DLGAP1: variants seen among roughly 807,000 people sequenced by gnomAD.
DLGAP1 encodes DLG associated protein 1, also known as disks large-associated protein 1.
In DLGAP1, 11 loss-of-function variants were observed where a neutral mutation model predicts 90.8. That is an observed-to-expected ratio of 0.12 (90% confidence interval 0.08 to 0.20). DLGAP1 has a LOEUF of 0.20. DLGAP1 is among the 10% of genes least tolerant of loss of function. DLGAP1 has a pLI of 1.00. For synonymous variants in DLGAP1, 558 were observed against 540.7 expected, an observed-to-expected ratio of 1.03 and a Z score of -0.44; for missense variants, 1,050 against 1,333.8, an observed-to-expected ratio of 0.79 and a Z score of 3.31.
intron 2 of DLGAP1, among the ~76,000 whole-genome samples, chr18:4,121,039 G>A (rs1173482156): frequency 6.6e-6 from 1 of 152,156 alleles, no homozygotes; most frequent in Non-Finnish European, 1.5e-5. Context: ...TCTGGTTATG[G>A]TGGCTGTTAG....
intron 3 of DLGAP1, among the ~76,000 whole-genome samples, chr18:3,942,968 T>TG (rs940896270): frequency 6.9e-6 from 1 of 145,270 alleles, no homozygotes; most frequent in Non-Finnish European, 1.5e-5. Flanking sequence ...GCAACATTTT[T>TG]GTTTTTTTTT....
intron 7 of DLGAP1, among the ~76,000 whole-genome samples, chr18:3,720,649 CA>C (rs1332047172): frequency 1.3e-5 from 2 of 152,050 alleles, no homozygotes; most frequent in African/African-American, 4.8e-5. Flanking sequence ...ATTACATGGA[CA>C]ATTTCCAACC....
chr18:3,855,987 C>T (rs115440752), intron 4 of DLGAP1, among the ~76,000 whole-genome samples: 1,699 of 152,274 alleles, frequency 0.011, 27 homozygotes, highest in African/African-American at 0.039. Context: ...ACAGAAGAAT[C>T]GTCTACAAAG....
At chr18:4,391,397 C>G (rs1391954709) in intron 1 of DLGAP1, among the ~76,000 whole-genome samples, 2 of 152,124 alleles carry the variant, frequency 1.3e-5, no homozygotes, top group African/African-American at 4.8e-5. Context: ...TCTAGCATCT[C>G]AATTTCTTGC....
At chr18:4,076,039 C>T (rs2075518738) in intron 2 of DLGAP1, among the ~76,000 whole-genome samples, 1 of 152,128 alleles carries the variant, frequency 6.6e-6, no homozygotes, top group Non-Finnish European at 1.5e-5. Flanking sequence ...TCTGCCAATG[C>T]CTATTGCATT....
intron 1 of DLGAP1, among the ~76,000 whole-genome samples, chr18:4,413,184 G>GA (rs1223987009): frequency 6.6e-6 from 1 of 152,148 alleles, no homozygotes; most frequent in Non-Finnish European, 1.5e-5. Context: ...AGGATGTGGG[G>GA]AATCTAGTAT....
intron 1 of DLGAP1, among the ~76,000 whole-genome samples, chr18:4,331,118 T>G (rs1186344761): frequency 6.6e-6 from 1 of 151,886 alleles, no homozygotes; most frequent in Non-Finnish European, 1.5e-5. Context: ...ATATTCCTTG[T>G]CTAAGATCTA....
intron 2 of DLGAP1, among the ~76,000 whole-genome samples, chr18:4,111,533 T>C (rs2075972064): frequency 6.6e-6 from 1 of 152,212 alleles, no homozygotes; most frequent in Non-Finnish European, 1.5e-5. Flanking sequence ...GAATAACTTA[T>C]CAGTGAAGTC....
chr18:4,197,183 A>G (rs1311425816), intron 1 of DLGAP1, among the ~76,000 whole-genome samples: 1 of 147,882 alleles, frequency 6.8e-6, no homozygotes, highest in Admixed American at 6.7e-5. Flanking sequence ...AAATTTAAAA[A>G]AAAGTAAAAA....
chr18:3,815,870 G>T (rs2067079676), intron 4 of DLGAP1, among the ~76,000 whole-genome samples: 1 of 152,174 alleles, frequency 6.6e-6, no homozygotes, highest in Admixed American at 6.5e-5. Flanking sequence ...CAAAAAACGG[G>T]GAGGCTGGTT....
chr18:4,042,283 T>C (rs1163057125), intron 2 of DLGAP1, among the ~76,000 whole-genome samples: 1 of 152,228 alleles, frequency 6.6e-6, no homozygotes, highest in Non-Finnish European at 1.5e-5. Flanking sequence ...TATTCTCTTT[T>C]TCATTCCCCA....
intron 2 of DLGAP1, among the ~76,000 whole-genome samples, chr18:4,009,270 T>C (rs1394939379): frequency 6.6e-6 from 1 of 152,160 alleles, no homozygotes; most frequent in Non-Finnish European, 1.5e-5. Flanking sequence ...AATCTGCAAA[T>C]GAGCGGATGC....
intron 6 of DLGAP1, among the ~76,000 whole-genome samples, chr18:3,730,068 A>G (rs1215811237): frequency 1.3e-5 from 2 of 152,194 alleles, no homozygotes; most frequent in Non-Finnish European, 2.9e-5. Context: ...TTTTCAAACT[A>G]TTTACAAGTT....
chr18:4,363,833 TG>T (rs2081690042), intron 1 of DLGAP1, among the ~76,000 whole-genome samples: 1 of 150,128 alleles, frequency 6.7e-6, no homozygotes. Context: ...TCAACCATTG[TG>T]GAAGTCACTG....
chr18:3,889,891 G>T (rs2071414854), intron 3 of DLGAP1, among the ~76,000 whole-genome samples: 1 of 152,226 alleles, frequency 6.6e-6, no homozygotes, highest in Non-Finnish European at 1.5e-5. Flanking sequence ...TACAGAGGGA[G>T]TGTGTGTGGA....
chr18:4,222,904 TTAAAA>T (rs1347769837), intron 1 of DLGAP1, among the ~76,000 whole-genome samples: 1 of 152,054 alleles, frequency 6.6e-6, no homozygotes, highest in Non-Finnish European at 1.5e-5. Context: ...GAGGACATAG[TTAAAA>T]TATTGGAATG....
rs530841781 is a variant in DLGAP1, at chr18:3,664,737, A to C, written c.1591+64398T>G. On this transcript the variant is annotated intron_variant, in intron 7 of 12. Transcript: ENST00000315677. ...CCTAGATGGTAAACTCCATGAGAAC[A>C]AAGGGTAAGACTGCTTTTGATCACC... 2.0e-5 allele frequency among the ~76,000 whole-genome samples: 3 copies of C among 152,340 alleles called. No individual in the cohort carries two copies. The East Asian group carries it at 5.8e-4, about 29-fold the overall frequency.
chr18:3,740,083 A>G lies in DLGAP1; in HGVS notation c.1350+2252T>C, dbSNP rs1187838595. On this transcript the variant is annotated intron_variant, in intron 6 of 12. Transcript: ENST00000315677. ...TAGTGTGCTGCTGGGGGAAATTAAAAGTTCTCCATAAAGTTATGAAAACCA... is the reference window on the plus strand; with the variant it reads ...TAGTGTGCTGCTGGGGGAAATTAAAGGTTCTCCATAAAGTTATGAAAACCA... Among the ~76,000 whole-genome samples, 5 of 152,208 alleles carry G rather than the reference A, an allele frequency of 3.3e-5. No individual in the cohort carries two copies. In the East Asian group the frequency reaches 9.6e-4, roughly 29 times the overall value.
At chr18:4,134,754 C>A (rs1174532649) in intron 2 of DLGAP1, among the ~76,000 whole-genome samples, 1 of 152,006 alleles carries the variant, frequency 6.6e-6, no homozygotes, top group Non-Finnish European at 1.5e-5. Context: ...ACCCAGGAAG[C>A]CTTTTATTAG....
Sources: gnomAD v4.1 joint callset for allele counts (sites outside exome capture counted in the v4.1 genomes callset) on GRCh38, gnomAD v4.1.1 for gene constraint, MANE v1.5 for transcripts, NCBI Gene and HGNC (gene_info 2026-07-23, HGNC 2026-07-21) for gene names.